Variants in TRAPPC11 observed in about 807,000 individuals in gnomAD.
TRAPPC11 encodes foie gras homolog.
A neutral mutation model predicts 151.2 loss-of-function variants in TRAPPC11; 104 were observed. The observed-to-expected ratio is 0.69, with a 90% confidence interval of 0.59 to 0.81. The LOEUF (loss-of-function observed/expected upper bound fraction) is 0.81. Among genes scored for constraint, TRAPPC11 ranks in the 30% least tolerant of loss-of-function variants. The probability of loss-of-function intolerance (pLI) is 0.00; values close to 1 mark genes in which losing one functional copy is unlikely to be tolerated. For missense variants in TRAPPC11, 1,230 were observed against 1,349.6 expected (o/e 0.91, Z 1.39); for synonymous variants, 456 against 472.3 (o/e 0.97, Z 0.45).
rs182133325 is a variant in TRAPPC11 at position 183,661,441 on chromosome 4, C to A, written c.-22+1994C>A. On this transcript the variant is annotated intron_variant, in intron 1 of 29. Transcript: ENST00000334690. The stretch of plus-strand genomic sequence containing the variant: ...GGCTGGAGTGCAGTGGCGCGATCTC[C>A]GCTCACTGCAAGCTCCGCCTCCCGG... 1.4e-3 allele frequency among the ~76,000 whole-genome samples: 193 copies of A among 140,714 alleles called. 2 individuals are homozygous for A. Among genetic ancestry groups the A allele is most frequent in the Non-Finnish European group, 2.9e-4 (19 of 65,220 alleles). The allele number at this position is 140,714 out of a possible 152,430, so 92.3% of individuals were successfully genotyped here. A position where few individuals can be genotyped will look rare whatever the true frequency, so the allele number is the denominator to read the frequency against.
intron 5 of TRAPPC11, among the ~76,000 whole-genome samples, chr4:183,669,614 CAG>C (rs1735049945): frequency 6.6e-6 from 1 of 152,174 alleles, no homozygotes; most frequent in African/African-American, 2.4e-5. Flanking sequence ...CATTACCTTC[CAG>C]AGACTATTTG....
chr4:183,661,410 C>T (rs561374869), intron 1 of TRAPPC11, among the ~76,000 whole-genome samples: 1,539 of 119,578 alleles, frequency 0.013, 18 homozygotes, highest in Middle Eastern at 0.029. Context: ...CTCGCTCTGT[C>T]GCCCAGGCTG....
At chr4:183,678,323 G>A (rs1420098430) in intron 8 of TRAPPC11, among the ~76,000 whole-genome samples, 2 of 152,158 alleles carry the variant, frequency 1.3e-5, no homozygotes, top group East Asian at 1.9e-4. Context: ...TCAAGCAACG[G>A]CTGTTTGGTT....
chr4:183,688,222 T>C (rs1159948626), intron 18 of TRAPPC11, among the ~76,000 whole-genome samples: 3 of 152,066 alleles, frequency 2.0e-5, no homozygotes, highest in Non-Finnish European at 4.4e-5. Context: ...CTAAATTACG[T>C]AGTGTAGGCT....
chr4:183,708,176 C>T (rs192443822), intron 28 of TRAPPC11, among the ~76,000 whole-genome samples: 3 of 152,114 alleles, frequency 2.0e-5, no homozygotes, highest in South Asian at 2.1e-4. Flanking sequence ...TGGTAGAAAC[C>T]GAGAAATCTT....
chr4:183,675,289 A>T, intron 7 of TRAPPC11, 52 bp downstream of exon 7: 1 of 1,165,572 alleles, frequency 8.6e-7, no homozygotes, highest in Non-Finnish European at 1.2e-6. Context: ...TAACAATAAC[A>T]TGTGATGGAA....
At chr4:183,704,218 T>A (rs1225740819) in intron 26 of TRAPPC11, among the ~76,000 whole-genome samples, 1 of 152,162 alleles carries the variant, frequency 6.6e-6, no homozygotes, top group Non-Finnish European at 1.5e-5. Flanking sequence ...ACAAAATATT[T>A]CCATTAATAA....
At chr4:183,692,041 C>T (rs1029251290) in intron 19 of TRAPPC11, among the ~76,000 whole-genome samples, 42 of 152,110 alleles carry the variant, frequency 2.8e-4, no homozygotes, top group African/African-American at 9.2e-4. Context: ...GTTTAAATTA[C>T]AGCTCTCTAG....
At chr4:183,669,703 A>G (rs530420225) in intron 5 of TRAPPC11, among the ~76,000 whole-genome samples, 4 of 152,258 alleles carry the variant, frequency 2.6e-5, no homozygotes, top group Non-Finnish European at 4.4e-5. Flanking sequence ...GAGGCCAGGG[A>G]TGTTGCCACA....
At chr4:183,712,181 C>T (rs1262794376) in intron 29 of TRAPPC11, among the ~76,000 whole-genome samples, 1 of 152,170 alleles carries the variant, frequency 6.6e-6, no homozygotes, top group African/African-American at 2.4e-5. Context: ...AAGCTTGAGA[C>T]ACAGGAGGGC....
At chr4:183,706,680 C>A in intron 27 of TRAPPC11, 127 bp from the exon 28 acceptor site, 2 of 1,010,968 alleles carry the variant, frequency 2.0e-6, no homozygotes, top group Non-Finnish European at 1.4e-6. Context: ...TCTTATCCGG[C>A]AAGAGTACAG....
chr4:183,666,987 G>T, intron 3 of TRAPPC11, 73 bp from the exon 4 acceptor site: 1 of 1,279,198 alleles, frequency 7.8e-7, no homozygotes, highest in Non-Finnish European at 1.1e-6. Context: ...GACCAAGGTT[G>T]TATTTTATGT....
At chr4:183,702,977 T>A (rs1464344342) in intron 26 of TRAPPC11, among the ~76,000 whole-genome samples, 1 of 152,044 alleles carries the variant, frequency 6.6e-6, no homozygotes, top group African/African-American at 2.4e-5. Flanking sequence ...AAAGGAAAAA[T>A]TTTTTAACCT....
In TRAPPC11 at chr4:183,701,577, G is replaced by C. The variant is rs376784011; in HGVS notation, c.2852-120G>C. The C allele has an allele frequency of 6.6e-4, 442 of 672,474 alleles. 1 individual carries two copies. In the African/African-American group the frequency reaches 6.9e-3, roughly 11 times the overall value. 41.7% of individuals were successfully genotyped at this position (672,474 alleles called of 1,614,324 possible). On this transcript the variant is annotated intron_variant, in intron 25 of 29. Coordinates refer to ENST00000334690, the MANE Select transcript of TRAPPC11 (RefSeq NM_021942.6). ...AACATCTCTGAACCCTACTTTCTAA[G>C]TCTCTACAAGTAATATATAGTGGGT...
chr4:183,692,605 T>C (rs1305962272), intron 19 of TRAPPC11, among the ~76,000 whole-genome samples: 2 of 152,228 alleles, frequency 1.3e-5, no homozygotes, highest in Non-Finnish European at 2.9e-5. Flanking sequence ...GAGGTTATAA[T>C]GTATCCATAG....
At chr4:183,681,449 G>A (rs954096285) in intron 10 of TRAPPC11, among the ~76,000 whole-genome samples, 3 of 152,154 alleles carry the variant, frequency 2.0e-5, no homozygotes, top group Non-Finnish European at 4.4e-5. Context: ...TTATAAGAAT[G>A]TAAGGAACTG....
chr4:183,675,092 T>G (rs1735346264), intron 6 of TRAPPC11, 72 bp from the exon 7 acceptor site: 2 of 801,810 alleles, frequency 2.5e-6, no homozygotes, highest in Admixed American at 7.2e-5. Context: ...TTATGTCTCC[T>G]CATAATAAAC....
chr4:183,673,254 G>A (rs1735244894), intron 5 of TRAPPC11, among the ~76,000 whole-genome samples: 1 of 151,976 alleles, frequency 6.6e-6, no homozygotes, highest in Non-Finnish European at 1.5e-5. Context: ...ACTGTGCCCG[G>A]CCCCCATTTG....
chr4:183,697,910 A>G, intron 25 of TRAPPC11, 75 bp downstream of exon 25: 2 of 1,402,674 alleles, frequency 1.4e-6, no homozygotes, highest in East Asian at 2.4e-5. Context: ...TAAGCTGGCA[A>G]TGGAAGAGTT....
Sources: allele counts gnomAD v4.1 joint callset (sites outside exome capture counted in the v4.1 genomes callset), GRCh38; gene constraint gnomAD v4.1.1; transcripts MANE v1.5; gene names NCBI Gene and HGNC (gene_info 2026-07-23, HGNC 2026-07-21).